HIVEP1: variants seen among roughly 807,000 people sequenced by gnomAD.
HIVEP1 encodes zinc finger protein 40.
HIVEP1 carries 36 observed loss-of-function variants against 180.0 expected under a neutral mutation model. The ratio of observed to expected loss-of-function variants is 0.20; its 90% CI spans 0.15 to 0.26. The LOEUF is 0.26. HIVEP1 is among the 10% of genes least tolerant of loss of function. The pLI is 1.00. For synonymous variants in HIVEP1, 1,239 were observed against 1,239.0 expected (o/e 1.00, Z 0.00); for missense variants, 3,143 against 3,268.7 (o/e 0.96, Z 0.94).
chr6:12,103,575 T>TA (rs1554142888), intron 3 of HIVEP1, among the ~76,000 whole-genome samples: 20 of 152,174 alleles, frequency 1.3e-4, no homozygotes, highest in South Asian at 4.1e-4. Flanking sequence ...TTTTTTTTTT[T>TA]ATCTATCTGG....
At chr6:12,150,389 T>G (rs753298032) in intron 7 of HIVEP1, among the ~76,000 whole-genome samples, 9 of 152,274 alleles carry the variant, frequency 5.9e-5, no homozygotes, top group Middle Eastern at 3.4e-3. Context: ...AGGAGAACCG[T>G]TTAATATGAC....
intron 7 of HIVEP1, among the ~76,000 whole-genome samples, chr6:12,148,326 T>G (rs1759494704): frequency 6.6e-6 from 1 of 152,170 alleles, no homozygotes; most frequent in African/African-American, 2.4e-5. Context: ...TCCCTCATCA[T>G]AGGGGATACC....
chr6:12,200,646 T>C, the HIVEP1 span, among the ~76,000 whole-genome samples: 1 of 152,222 alleles, frequency 6.6e-6, no homozygotes, highest in Non-Finnish European at 1.5e-5. Context: ...ACTTCCACTG[T>C]GCATTCCAGA....
At chr6:12,099,095 G>A (rs1258016376) in intron 3 of HIVEP1, among the ~76,000 whole-genome samples, 2 of 152,098 alleles carry the variant, frequency 1.3e-5, no homozygotes, top group African/African-American at 4.8e-5. Context: ...ATCTGCGGTG[G>A]GAGGTGGACT....
At chr6:12,108,305 T>G (rs1204279724) in intron 3 of HIVEP1, among the ~76,000 whole-genome samples, 1 of 152,206 alleles carries the variant, frequency 6.6e-6, no homozygotes, top group Non-Finnish European at 1.5e-5. Flanking sequence ...CCCACCAGAC[T>G]CAGGAGCCCA....
intron 2 of HIVEP1, among the ~76,000 whole-genome samples, chr6:12,047,787 C>CT (rs1177648271): frequency 1.3e-5 from 2 of 152,174 alleles, no homozygotes; most frequent in Non-Finnish European, 2.9e-5. Flanking sequence ...CGGTAGGTAG[C>CT]TTTTTAATTC....
Position 12,121,324 on chromosome 6 carries a change from C to A in HIVEP1, c.1529C>A (p.Ala510Asp). Residue 510 changes from alanine to aspartate, a missense_variant, in exon 4 of 9, where the codon GCC becomes GAC. Around this residue, in one of 12 missense-constraint regions of HIVEP1, gnomAD observed 365 missense variants for 344.4 expected, o/e 1.06. Transcript: ENST00000379388. This position sits in a 1 kb window ranked among gnomAD's most constrained non-coding sequence, Gnocchi z 5.3. ...ATDERQHDLG[A>D]MELQPVHIIK... ...GATGAGAGACAGCATGACCTGGGCG[C>A]CATGGAGCTGCAGCCTGTGCACATA... 6 of 1,614,082 alleles carry A rather than the reference C, an allele frequency of 3.7e-6. No homozygotes were observed. The highest frequency in any genetic ancestry group is 4.2e-6 in the Non-Finnish European group (5 of 1,180,010).
chr6:12,121,968 G>T lies in HIVEP1; in HGVS notation c.2173G>T (p.Gly725Trp). 6.2e-7 allele frequency: 1 copy of T among 1,614,122 alleles called. No homozygotes were observed. Among genetic ancestry groups the T allele is most frequent in the Non-Finnish European group, 8.5e-7 (1 of 1,180,000 alleles). Residue 725 changes from glycine (G) to tryptophan (W), a missense_variant, in exon 4 of 9, where the codon GGG becomes TGG. Gly to Trp is a radical substitution (Grantham distance 184). Transcript: ENST00000379388. The surrounding 1 kb of genome is among the most constrained non-coding windows in gnomAD (Gnocchi z 5.3). ...TTSTPSALPT[G>W]EKALLLPGQM... ...GTCAACACCCTCTGCTTTGCCCACA[G>T]GGGAAAAGGCATTGCTTTTACCAGG...
intron 2 of HIVEP1, among the ~76,000 whole-genome samples, chr6:12,022,014 C>T (rs1768252608): frequency 6.6e-6 from 1 of 152,156 alleles, no homozygotes; most frequent in Non-Finnish European, 1.5e-5. Context: ...GATTTATACT[C>T]AGGGAATTTG....
At chr6:12,172,951 G>A in the HIVEP1 span, among the ~76,000 whole-genome samples, 10 of 152,148 alleles carry the variant, frequency 6.6e-5, no homozygotes, top group East Asian at 1.9e-3. Flanking sequence ...ATGCATATTT[G>A]TATAAATAAT....
chr6:12,068,038 G>C (rs1465961074), intron 2 of HIVEP1, among the ~76,000 whole-genome samples: 1 of 152,082 alleles, frequency 6.6e-6, no homozygotes, highest in Non-Finnish European at 1.5e-5. Context: ...CTGTGCTTTA[G>C]AAGAGATGCA....
intron 2 of HIVEP1, among the ~76,000 whole-genome samples, chr6:12,020,890 C>CTTTT (rs70981658): frequency 0.43 from 45,003 of 105,766 alleles, 11,294 homozygotes; most frequent in Non-Finnish European, 0.55. Flanking sequence ...TTCTTTCTTT[C>CTTTT]TTTTTTTTTT....
At chr6:12,165,422 T>G (rs886146667), downstream of HIVEP1, among the ~76,000 whole-genome samples, 18 of 152,208 alleles carry the variant, frequency 1.2e-4, no homozygotes, top group African/African-American at 4.1e-4. Flanking sequence ...CTATGGGCTC[T>G]TCTTTCCCTT....
At chr6:12,089,515 C>T (rs1008509069) in intron 3 of HIVEP1, among the ~76,000 whole-genome samples, 6 of 151,976 alleles carry the variant, frequency 3.9e-5, no homozygotes, top group African/African-American at 1.4e-4. Context: ...GTGAGACTGT[C>T]CTGTAGCAAT....
At chr6:12,126,922 G>A (rs774990275) in intron 4 of HIVEP1, among the ~76,000 whole-genome samples, 4 of 152,006 alleles carry the variant, frequency 2.6e-5, no homozygotes, top group East Asian at 1.9e-4. Flanking sequence ...GCAATGGTGC[G>A]CTCTTGGCTC....
chr6:12,123,182 C>A lies in HIVEP1; in HGVS notation c.3387C>A (p.His1129Gln), dbSNP rs375225314. 2 of 1,614,066 alleles carry A rather than the reference C, an allele frequency of 1.2e-6. No individual in the cohort carries two copies. Among genetic ancestry groups the A allele is most frequent in the Non-Finnish European group, 1.7e-6 (2 of 1,180,038 alleles). Residue 1129 changes from histidine (H) to glutamine (Q), a missense_variant, in exon 4 of 9, where the codon CAC (histidine) becomes CAA (glutamine). Physicochemically the swap from His to Gln is conservative, Grantham distance 24. This residue lies in a region of HIVEP1 where 1,357 missense variants were observed against 1,260.5 expected (regional missense o/e 1.08). Coordinates refer to ENST00000379388, the MANE Select transcript of HIVEP1 (RefSeq NM_002114.4). ...AGGACAAGATAGAACTGCAGAGACACGGAACTGGAATCTCTGTCATCCAGC... is the reference window on the plus strand; with the variant it reads ...AGGACAAGATAGAACTGCAGAGACAAGGAACTGGAATCTCTGTCATCCAGC... The part of the protein sequence containing the change: ...AAQDKIELQR[H>Q]GTGISVIQHT...
chr6:12,041,504 T>G (rs1325271348), intron 2 of HIVEP1, among the ~76,000 whole-genome samples: 29 of 141,676 alleles, frequency 2.0e-4, no homozygotes, highest in Non-Finnish European at 7.7e-5. Context: ...AGCTTACATG[T>G]TTTTTTTTTT....
chr6:12,125,858 C>A lies in HIVEP1; in HGVS notation c.6063C>A (p.Ser2021Arg), dbSNP rs1758038862. ...TGGTCTATTCAAGCAAGTGGAAAAG[C>A]AGCTTAAGCAAGGTACTTGAAATAT... ...DLLVYSSKWK[S>R]SLSKRALGNQ... Residue 2021 changes from serine (S) to arginine (R), a missense_variant, in exon 4 of 9, where the codon AGC becomes AGA. Ser to Arg is a moderately radical substitution (Grantham distance 110). Around this residue, in one of 12 missense-constraint regions of HIVEP1, gnomAD observed 1,357 missense variants for 1,260.5 expected, o/e 1.08. Transcript: ENST00000379388. 1 of 1,590,554 alleles carries A rather than the reference C, an allele frequency of 6.3e-7. No individual in the cohort carries two copies. The highest frequency in any genetic ancestry group is 1.7e-4 in the Middle Eastern group (1 of 5,972).
intron 3 of HIVEP1, among the ~76,000 whole-genome samples, chr6:12,110,998 AG>A (rs1774853769): frequency 1.3e-5 from 2 of 152,258 alleles, no homozygotes; most frequent in South Asian, 4.1e-4. Flanking sequence ...GGCAGGTCCA[AG>A]GAGAGGCAGA....
Sources: gnomAD v4.1 joint callset for allele counts (sites outside exome capture counted in the v4.1 genomes callset) on GRCh38, gnomAD v4.1.1 for gene constraint, gnomAD v4.1.1 regional missense constraint, Gnocchi (gnomAD v3.1) non-coding constraint, MANE v1.5 for transcripts, NCBI Gene and HGNC (gene_info 2026-07-23, HGNC 2026-07-21) for gene names.